PHACTR3: variants seen among roughly 807,000 people sequenced by gnomAD.
The protein encoded by PHACTR3 is protein phosphatase 1, regulatory subunit 123.
In PHACTR3, 16 loss-of-function variants were observed where a neutral mutation model predicts 66.8. That is an observed-to-expected ratio of 0.24 (90% CI 0.16 to 0.36). The LOEUF is 0.36. PHACTR3 is among the 10% of genes least tolerant of loss of function. PHACTR3 has a pLI of 1.00. For missense variants in PHACTR3, 647 were observed against 719.9 expected (o/e 0.90, Z 1.16); for synonymous variants, 323 against 292.1 (o/e 1.11, Z -1.08).
At chr20:59,633,523 A>G (rs904990231) in intron 1 of PHACTR3, among the ~76,000 whole-genome samples, 2 of 152,128 alleles carry the variant, frequency 1.3e-5, no homozygotes, top group African/African-American at 4.8e-5. Flanking sequence ...GAGGGGAGGG[A>G]TCTTAGAGGA....
chr20:59,611,886 G>A (rs1035816345), intron 1 of PHACTR3, among the ~76,000 whole-genome samples: 19 of 152,192 alleles, frequency 1.2e-4, no homozygotes, highest in Admixed American at 2.6e-4. Context: ...TGTATTTTGC[G>A]GGGATTGTTT....
intron 3 of PHACTR3, among the ~76,000 whole-genome samples, chr20:59,752,765 A>G (rs2039646469): frequency 6.6e-6 from 1 of 152,180 alleles, no homozygotes; most frequent in Admixed American, 6.5e-5. Context: ...CATGGCAGCA[A>G]AAGACCTGTG....
chr20:59,821,359 C>T (rs917767050), intron 8 of PHACTR3, among the ~76,000 whole-genome samples: 2 of 152,192 alleles, frequency 1.3e-5, no homozygotes, highest in African/African-American at 2.4e-5. Flanking sequence ...GCTATTTACC[C>T]TTATGCCGGT....
exon 1 of PHACTR3, chr20:59,577,548 C>T: frequency 1.7e-6 from 2 of 1,187,386 alleles, no homozygotes; most frequent in Non-Finnish European, 2.1e-6. Context: ...CTGTCCTGCG[C>T]CCCTGCGCTC....
At chr20:59,813,239 A>G (rs767478053) in intron 8 of PHACTR3, among the ~76,000 whole-genome samples, 64 of 152,124 alleles carry the variant, frequency 4.2e-4, no homozygotes, top group Non-Finnish European at 1.0e-4. Flanking sequence ...GAGCGAACAC[A>G]CCTGACATGG....
rs184565538 is a variant in PHACTR3, at chr20:59,750,622, G to A, written c.358+2787G>A. Among the ~76,000 whole-genome samples the A allele has an allele frequency of 5.4e-3, 828 of 152,316 alleles. 9 individuals carry two copies. The highest frequency in any genetic ancestry group is 0.019 in the African/African-American group (786 of 41,588). ...CGTCTTCCCTGCCCACACACCGGCT[G>A]GGGTGGCAGAGGCATGACCACGCTG... On this transcript the variant is annotated intron_variant, in intron 3 of 12. Coordinates refer to ENST00000371015, the MANE Select transcript of PHACTR3 (RefSeq NM_080672.5).
In PHACTR3 at chr20:59,767,394, A is replaced by G; in HGVS notation, c.750A>G (p.Thr250=). The change falls in exon 5 of 13, where the codon ACA becomes ACG. Residue 250 remains threonine, a splice_region_variant and synonymous_variant. Coordinates refer to ENST00000371015, the MANE Select transcript of PHACTR3 (RefSeq NM_080672.5). ...GCTCCAAAACCACAAAAAATGTCACAGGTGGGTCCACATGCATCCTGCCCA... is the reference window on the plus strand; with the variant it reads ...GCTCCAAAACCACAAAAAATGTCACGGGTGGGTCCACATGCATCCTGCCCA... ...KASSKTTKNV[T]GQATLFQASS... 1 of 1,613,286 alleles carries G rather than the reference A, an allele frequency of 6.2e-7. No individual in the cohort carries two copies. The highest frequency in any genetic ancestry group is 8.5e-7 in the Non-Finnish European group (1 of 1,179,956).
chr20:59,723,631 G>T (rs1026266009), intron 1 of PHACTR3, among the ~76,000 whole-genome samples: 1 of 152,100 alleles, frequency 6.6e-6, no homozygotes, highest in Non-Finnish European at 1.5e-5. Flanking sequence ...GAGTCAGATG[G>T]TTATATGGTG....
chr20:59,737,066 T>C (rs2038969241), intron 1 of PHACTR3, among the ~76,000 whole-genome samples: 1 of 152,158 alleles, frequency 6.6e-6, no homozygotes, highest in Non-Finnish European at 1.5e-5. Context: ...TGCTGAATTC[T>C]GAATCAGGTT....
intron 8 of PHACTR3, among the ~76,000 whole-genome samples, chr20:59,834,235 T>A (rs879322377): frequency 1.3e-5 from 2 of 152,200 alleles, no homozygotes; most frequent in Non-Finnish European, 2.9e-5. Context: ...AGTGCCTGTG[T>A]GCCTTCCCCC....
At position 59,773,192 on chromosome 20, in the gene PHACTR3, T is replaced by C. The variant is rs542032502; in HGVS notation, c.752-87T>C. The C allele has an allele frequency of 4.1e-6, 6 of 1,455,988 alleles. No homozygotes were observed. In the East Asian group the frequency reaches 1.4e-4, roughly 33 times the overall value. The allele number at this position is 1,455,988 out of a possible 1,614,324, so 90.2% of individuals were successfully genotyped here. A position where few individuals can be genotyped will look rare whatever the true frequency, so the allele number is the denominator to read the frequency against. On this transcript the variant is annotated intron_variant, in intron 5 of 12. Coordinates refer to ENST00000371015, the MANE Select transcript of PHACTR3 (RefSeq NM_080672.5). ...CTCCTGGAGGTGCAGGGGAGCGTCC[T>C]TTCCGCTCATGGTCCCCAGTCTCAG...
chr20:59,658,993 C>A (rs2035720814), intron 1 of PHACTR3, among the ~76,000 whole-genome samples: 1 of 150,458 alleles, frequency 6.6e-6, no homozygotes, highest in Non-Finnish European at 1.5e-5. Flanking sequence ...GTCATTAAGA[C>A]CATCTAATGA....
intron 1 of PHACTR3, among the ~76,000 whole-genome samples, chr20:59,641,037 T>C (rs1447935077): frequency 6.6e-6 from 1 of 152,148 alleles, no homozygotes; most frequent in Non-Finnish European, 1.5e-5. Context: ...ATAGAGATAA[T>C]GTATGCATAT....
At chr20:59,668,244 G>A (rs1255548369) in intron 1 of PHACTR3, among the ~76,000 whole-genome samples, 2 of 151,816 alleles carry the variant, frequency 1.3e-5, no homozygotes, top group Non-Finnish European at 2.9e-5. Context: ...TTAGAGGTGG[G>A]CACATACTCC....
intron 1 of PHACTR3, among the ~76,000 whole-genome samples, chr20:59,708,217 G>A (rs1479664882): frequency 6.6e-6 from 1 of 152,206 alleles, no homozygotes; most frequent in Admixed American, 6.5e-5. Context: ...AGTTCATCAG[G>A]ATAAGCTGGG....
intron 1 of PHACTR3, among the ~76,000 whole-genome samples, chr20:59,713,521 T>A (rs2037979174): frequency 6.6e-6 from 1 of 152,228 alleles, no homozygotes; most frequent in Non-Finnish European, 1.5e-5. Flanking sequence ...CAATATGTAA[T>A]GTTTTGTATC....
chr20:59,635,149 T>TTCTTTCTTTCCTTTC (rs1555881160), intron 1 of PHACTR3, among the ~76,000 whole-genome samples: 1 of 60,378 alleles, frequency 1.7e-5, no homozygotes, highest in Non-Finnish European at 3.1e-5. Context: ...CTTTCTTTCT[T>TTCTTTCTTTCCTTTC]TTTCTTTCTT....
At chr20:59,805,386 C>T (rs764829024) in intron 7 of PHACTR3, among the ~76,000 whole-genome samples, 11 of 152,170 alleles carry the variant, frequency 7.2e-5, no homozygotes, top group Non-Finnish European at 1.5e-4. Context: ...GGGGGAAAGG[C>T]TGTCACTTAA....
At chr20:59,786,643 ACT>A (rs1337083545) in intron 7 of PHACTR3, among the ~76,000 whole-genome samples, 3 of 151,282 alleles carry the variant, frequency 2.0e-5, no homozygotes, top group Non-Finnish European at 2.9e-5. Context: ...TCTGTGGAGC[ACT>A]CTCTGTGCCA....
Sources: gnomAD v4.1 joint callset for allele counts (sites outside exome capture counted in the v4.1 genomes callset) on GRCh38, gnomAD v4.1.1 for gene constraint, MANE v1.5 for transcripts, NCBI Gene and HGNC (gene_info 2026-07-23, HGNC 2026-07-21) for gene names.